CC2D2A: variants seen among roughly 807,000 people sequenced by gnomAD.
CC2D2A encodes coiled-coil and C2 domain-containing protein 2A.
A neutral mutation model predicts 212.9 loss-of-function variants in CC2D2A; 155 were observed. The observed-to-expected ratio is 0.73, with a 90% CI of 0.64 to 0.83. The LOEUF (loss-of-function observed/expected upper bound fraction) is 0.83, where lower values mean the gene tolerates loss of function less well. Among genes scored for constraint, CC2D2A ranks in the 40% least tolerant of loss-of-function variants. The pLI is 0.00. For missense variants in CC2D2A, 1,856 were observed against 1,956.2 expected (o/e 0.95, Z 0.97); for synonymous variants, 667 against 686.5 (o/e 0.97, Z 0.44).
chr4:15,490,910 T>G (rs954174441), intron 4 of CC2D2A, among the ~76,000 whole-genome samples: 2 of 152,056 alleles, frequency 1.3e-5, no homozygotes, highest in African/African-American at 4.8e-5. Context: ...CAGCCCCCAG[T>G]CACGTACCCC....
chr4:15,516,944 CTTTTTTT>C (rs397992357), intron 11 of CC2D2A, among the ~76,000 whole-genome samples, 188 bp downstream of exon 11: 19 of 95,790 alleles, frequency 2.0e-4, no homozygotes, highest in Non-Finnish European at 2.0e-5. Context: ...TGCATCCCTT[CTTTTTTT>C]TTTTTTTTTT....
chr4:15,509,024 C>T (rs1716414179), intron 6 of CC2D2A, among the ~76,000 whole-genome samples: 1 of 151,970 alleles, frequency 6.6e-6, no homozygotes, highest in Non-Finnish European at 1.5e-5. Flanking sequence ...GGAAACAGCA[C>T]CTTGCAGATT....
chr4:15,515,845 T>G (rs1378567456), intron 9 of CC2D2A, 23 bp from the exon 10 acceptor site: 2 of 1,543,992 alleles, frequency 1.3e-6, no homozygotes, highest in Non-Finnish European at 1.8e-6. Flanking sequence ...AATGTTTATT[T>G]TATTTATTTA....
At chr4:15,569,623 G>A (rs1214995547) in intron 27 of CC2D2A, among the ~76,000 whole-genome samples, 1 of 152,196 alleles carries the variant, frequency 6.6e-6, no homozygotes, top group Non-Finnish European at 1.5e-5. Context: ...GTTCTCGAAA[G>A]TAAGAGGAAG....
At chr4:15,575,480 G>A (rs898480669) in intron 29 of CC2D2A, among the ~76,000 whole-genome samples, 10 of 152,150 alleles carry the variant, frequency 6.6e-5, no homozygotes, top group Non-Finnish European at 1.0e-4. Flanking sequence ...ACATGTAAGC[G>A]TAAGTTGTTA....
chr4:15,527,052 A>G (rs922796883), intron 11 of CC2D2A, among the ~76,000 whole-genome samples: 2 of 152,168 alleles, frequency 1.3e-5, no homozygotes, highest in African/African-American at 4.8e-5. Flanking sequence ...TATGTCCAGG[A>G]TCCAAATAAT....
chr4:15,577,307 T>A (rs890659042), intron 29 of CC2D2A, among the ~76,000 whole-genome samples: 2 of 152,196 alleles, frequency 1.3e-5, no homozygotes, highest in African/African-American at 4.8e-5. Context: ...GTGTAGCTTT[T>A]CAAAGGCAAC....
Position 15,567,757 on chromosome 4 carries a change from C to A in CC2D2A, c.3369C>A (p.Ser1123Arg). Reference protein sequence around the residue: ...HTTTAEGPNPSWNEELELPFR... With the variant: ...HTTTAEGPNPRWNEELELPFR... Reference sequence around the variant, plus strand: ...CTACGGCTGAAGGACCAAACCCTAGCTGGAATGAAGAACTAGAACTTCCAT... The same window carrying A: ...CTACGGCTGAAGGACCAAACCCTAGATGGAATGAAGAACTAGAACTTCCAT... Residue 1123 changes from serine to arginine, a missense_variant, in exon 26 of 37, where the codon AGC (serine) becomes AGA (arginine). Physicochemically the swap from Ser to Arg is moderately radical, Grantham distance 110 (BLOSUM62 -1). This residue lies in a region of CC2D2A where 1,512 missense variants were observed against 1,579.3 expected (regional missense o/e 0.96). Coordinates refer to ENST00000424120, the MANE Select transcript of CC2D2A (RefSeq NM_001378615.1). 6.3e-7 allele frequency: 1 copy of A among 1,598,402 alleles called. No individual in the cohort carries two copies. The highest frequency in any genetic ancestry group is 8.5e-7 in the Non-Finnish European group (1 of 1,175,644).
chr4:15,476,429 A>T (rs1714218307), intron 2 of CC2D2A, among the ~76,000 whole-genome samples: 1 of 152,244 alleles, frequency 6.6e-6, no homozygotes, highest in African/African-American at 2.4e-5. Context: ...AAGAACTCAA[A>T]GTACAGAGGT....
chr4:15,586,497 C>T (rs1040661229), intron 31 of CC2D2A, among the ~76,000 whole-genome samples: 1 of 151,984 alleles, frequency 6.6e-6, no homozygotes, highest in Non-Finnish European at 1.5e-5. Context: ...GCTGATTTAC[C>T]CTCCCAGTAT....
chr4:15,514,682 C>T (rs1435205544), intron 8 of CC2D2A, 25 bp from the exon 9 acceptor site: 2 of 1,452,852 alleles, frequency 1.4e-6, no homozygotes. Context: ...ATGATTTTTT[C>T]TTGTTACTTT....
At position 15,538,035 on chromosome 4, in the gene CC2D2A, T is replaced by G; in HGVS notation, c.1901T>G (p.Val634Gly). Residue 634 changes from valine to glycine, a missense_variant, in exon 16 of 37, where the codon GTG (valine) becomes GGG (glycine). Coordinates refer to ENST00000424120, the MANE Select transcript of CC2D2A (RefSeq NM_001378615.1). ...PTDRAVIEQEVRERAAQSRRR... is the reference protein window; with the variant it reads ...PTDRAVIEQEGRERAAQSRRR... The stretch of plus-strand genomic sequence containing the variant: ...GATCGGGCAGTGATAGAGCAGGAGG[T>G]GAGGGAGAGAGCAGCCCAGAGCAGG... 2 of 1,606,864 alleles carry G rather than the reference T, an allele frequency of 1.2e-6. No individual in the cohort carries two copies. Among genetic ancestry groups the G allele is most frequent in the Non-Finnish European group, 1.7e-6 (2 of 1,177,052 alleles).
intron 14 of CC2D2A, among the ~76,000 whole-genome samples, chr4:15,535,672 A>C (rs373847784): frequency 1.3e-5 from 2 of 152,338 alleles, no homozygotes; most frequent in African/African-American, 4.8e-5. Flanking sequence ...CTGTGCATCC[A>C]AAGTGACTTA....
Position 15,555,125 on chromosome 4 carries a change from A to C in CC2D2A, c.2540A>C (p.Asp847Ala). 7 of 1,613,882 alleles carry C rather than the reference A, an allele frequency of 4.3e-6. No homozygotes were observed. The highest frequency in any genetic ancestry group is 5.9e-6 in the Non-Finnish European group (7 of 1,179,840). ...ISSIGTSGLT[D>A]MKKLAKWAAE... ...TCTATTGGCACATCAGGACTGACAGACATGAAAAAATTGGCCAAGTGGGCA... is the reference window on the plus strand; with the variant it reads ...TCTATTGGCACATCAGGACTGACAGCCATGAAAAAATTGGCCAAGTGGGCA... The change falls in exon 20 of 37, where the codon GAC becomes GCC. Residue 847 changes from aspartate to alanine, a missense_variant. This residue lies in a region of CC2D2A where 1,512 missense variants were observed against 1,579.3 expected (regional missense o/e 0.96). Coordinates refer to ENST00000424120, the MANE Select transcript of CC2D2A (RefSeq NM_001378615.1).
chr4:15,492,872 TAA>T (rs1715387044), intron 4 of CC2D2A: 1 of 572,144 alleles, frequency 1.7e-6, no homozygotes, highest in South Asian at 1.5e-5. Flanking sequence ...GTGTCACTGT[TAA>T]AGTCGGAGAA....
At chr4:15,563,609 T>G (rs1719725366) in intron 24 of CC2D2A, 87 bp downstream of exon 24, 2 of 1,408,038 alleles carry the variant, frequency 1.4e-6, no homozygotes, top group East Asian at 4.9e-5. Context: ...ACTCTCATTC[T>G]TAACGTGGTT....
chr4:15,528,234 G>A (rs1717617853), intron 12 of CC2D2A, among the ~76,000 whole-genome samples: 1 of 152,174 alleles, frequency 6.6e-6, no homozygotes. Flanking sequence ...CGTTTTACGA[G>A]TCTGTAATTT....
At chr4:15,583,989 C>A (rs961466063) in intron 30 of CC2D2A, among the ~76,000 whole-genome samples, 1 of 150,544 alleles carries the variant, frequency 6.6e-6, no homozygotes, top group Non-Finnish European at 1.5e-5. Flanking sequence ...ATTACAAACA[C>A]TGATGAAAGA....
Position 15,516,828 on chromosome 4 carries a change from G to A in CC2D2A, c.1149+72G>A, listed in dbSNP as rs556218398. 38 of 1,451,174 alleles carry A rather than the reference G, an allele frequency of 2.6e-5. No individual in the cohort carries two copies. In the African/African-American group the frequency reaches 5.3e-4, roughly 20 times the overall value. The allele number at this position is 1,451,174 out of a possible 1,614,324, so 89.9% of individuals were successfully genotyped here. ...CTTTGCTTTCTGAATAGCTTGGGGT[G>A]CTATATTTATAACATTCTACTTTAA... On this transcript the variant is annotated intron_variant, in intron 11 of 36. Coordinates refer to ENST00000424120, the MANE Select transcript of CC2D2A (RefSeq NM_001378615.1).
Sources: allele counts gnomAD v4.1 joint callset (sites outside exome capture counted in the v4.1 genomes callset), GRCh38; gene constraint gnomAD v4.1.1; regional missense constraint gnomAD v4.1.1; transcripts MANE v1.5; gene names NCBI Gene and HGNC (gene_info 2026-07-23, HGNC 2026-07-21).